The following PCDHA9 variants were observed in gnomAD, a reference collection of about 807,000 sequenced individuals.
PCDHA9 encodes protocadherin alpha-9.
A neutral mutation model predicts 62.0 loss-of-function variants in PCDHA9; 62 were observed. That is an observed-to-expected ratio of 1.00 (90% CI 0.81 to 1.23). The LOEUF (loss-of-function observed/expected upper bound fraction) is 1.23, where lower values mean the gene tolerates loss of function less well. PCDHA9 is among the 50% of genes most tolerant of loss of function. The pLI is 0.00. For missense variants in PCDHA9, 1,205 were observed against 1,249.8 expected (o/e 0.96, Z 0.54); for synonymous variants, 557 against 567.6 (o/e 0.98, Z 0.27).
chr5:140,938,734 AT>A (rs1207782725), intron 1 of PCDHA9, among the ~76,000 whole-genome samples: 1 of 152,136 alleles, frequency 6.6e-6, no homozygotes, highest in Admixed American at 6.5e-5. Flanking sequence ...ACAGAAAAAA[AT>A]AATTATTTTT....
chr5:140,966,978 G>T lies in PCDHA9; in HGVS notation c.2395-11971G>T, dbSNP rs782662616. The stretch of plus-strand genomic sequence containing the variant: ...CGCGCGCTGGGGCTTGAGCTGCGGC[G>T]CTTGGGGCCGGGTTGCTTGCGCATC... On this transcript the variant is annotated intron_variant, in intron 1 of 3. Transcript: ENST00000532602. 3.1e-6 allele frequency: 5 copies of T among 1,603,218 alleles called. No homozygotes were observed. In the African/African-American group the frequency reaches 5.3e-5, roughly 17 times the overall value.
At chr5:140,936,351 T>C (rs2090932385) in intron 1 of PCDHA9, among the ~76,000 whole-genome samples, 1 of 152,246 alleles carries the variant, frequency 6.6e-6, no homozygotes, top group African/African-American at 2.4e-5. Flanking sequence ...ATATATGGAA[T>C]GTGTAGCTAC....
intron 3 of PCDHA9, among the ~76,000 whole-genome samples, chr5:140,983,986 G>A (rs1475891501): frequency 2.0e-5 from 3 of 152,176 alleles, no homozygotes; most frequent in African/African-American, 7.2e-5. Context: ...ACGAGTTGAA[G>A]CAATTCATTA....
intron 1 of PCDHA9, among the ~76,000 whole-genome samples, chr5:140,917,329 G>C (rs543216216): frequency 3.5e-5 from 5 of 143,930 alleles, no homozygotes; most frequent in South Asian, 2.2e-4. Flanking sequence ...TGTGGCGGGG[G>C]AGGGGGGGGA....
At chr5:140,992,925 C>G (rs548869982) in intron 3 of PCDHA9, among the ~76,000 whole-genome samples, 1 of 152,312 alleles carries the variant, frequency 6.6e-6, no homozygotes, top group South Asian at 2.1e-4. Flanking sequence ...TCCATACTTA[C>G]AGCAGCTCTG....
At chr5:140,945,664 C>T (rs1342424562) in intron 1 of PCDHA9, among the ~76,000 whole-genome samples, 1 of 152,048 alleles carries the variant, frequency 6.6e-6, no homozygotes, top group Admixed American at 6.5e-5. Context: ...ATACAGCTCC[C>T]AGAAATAAAT....
At chr5:140,907,872 G>A (rs1473403839) in intron 1 of PCDHA9, among the ~76,000 whole-genome samples, 1 of 152,208 alleles carries the variant, frequency 6.6e-6, no homozygotes, top group Non-Finnish European at 1.5e-5. Flanking sequence ...CCGTTGGTGA[G>A]CACTCACATG....
At position 141,009,757 on chromosome 5, in the gene PCDHA9, A is replaced by G; in HGVS notation, c.2673A>G (p.Pro891=). 6.2e-7 allele frequency: 1 copy of G among 1,614,200 alleles called. No individual in the cohort carries two copies. Among genetic ancestry groups the G allele is most frequent in the Non-Finnish European group, 8.5e-7 (1 of 1,180,036 alleles). Residue 891 remains proline (P), a synonymous_variant, in exon 4 of 4, where the codon CCA becomes CCG. Coordinates refer to ENST00000532602, the MANE Select transcript of PCDHA9 (RefSeq NM_031857.2). ...AGTTGCCCGACAAATTCATTATCCCAGGATCTCCTGCAATCATCTCCATCC... is the reference window on the plus strand; with the variant it reads ...AGTTGCCCGACAAATTCATTATCCCGGGATCTCCTGCAATCATCTCCATCC... ...PGELPDKFII[P]GSPAIISIRQ... is the part of the protein sequence containing the mutation.
Position 140,968,743 on chromosome 5 carries a change from C to T in PCDHA9, c.2395-10206C>T, listed in dbSNP as rs112674082. On this transcript the variant is annotated intron_variant, in intron 1 of 3. Coordinates refer to ENST00000532602, the MANE Select transcript of PCDHA9 (RefSeq NM_031857.2). ...AGAGTGGTAGCACTTTCAACCTGAC[C>T]GTGGTGGTCCGAGATAATGGAGAGC... is the stretch of plus-strand genomic sequence containing the variant. The T allele has an allele frequency of 3.4e-5, 55 of 1,614,060 alleles. No individual in the cohort carries two copies. In the African/African-American group the frequency reaches 5.1e-4, roughly 15 times the overall value.
chr5:141,000,774 G>A (rs1399583734), intron 3 of PCDHA9, among the ~76,000 whole-genome samples: 1 of 151,828 alleles, frequency 6.6e-6, no homozygotes, highest in Non-Finnish European at 1.5e-5. Context: ...AGGCATAGTG[G>A]CGCACACCTG....
At chr5:140,903,695 A>G (rs1325722558) in intron 1 of PCDHA9, among the ~76,000 whole-genome samples, 9 of 152,238 alleles carry the variant, frequency 5.9e-5, no homozygotes, top group African/African-American at 1.7e-4. Flanking sequence ...AATAGTTTAA[A>G]ATAGTAATAA....
At chr5:140,927,657 T>A (rs1161396429) in intron 1 of PCDHA9, 6 of 1,614,050 alleles carry the variant, frequency 3.7e-6, no homozygotes, top group Non-Finnish European at 5.1e-6. Flanking sequence ...TATTCCGAGT[T>A]CAAGCCTTGG....
chr5:140,942,545 G>T (rs981508818), intron 1 of PCDHA9, among the ~76,000 whole-genome samples: 1 of 151,970 alleles, frequency 6.6e-6, no homozygotes, highest in Non-Finnish European at 1.5e-5. Flanking sequence ...ATGGTGGGGG[G>T]TAGGGGGTTG....
chr5:140,966,341 G>T, intron 1 of PCDHA9: 1 of 396,732 alleles, frequency 2.5e-6, no homozygotes, highest in Non-Finnish European at 4.4e-6. Context: ...CAGGTCCAGG[G>T]TGAAGGAGAT....
rs529079699 is a variant in PCDHA9, at chr5:140,984,687, T to C, written c.2542+2124T>C. ...TTAGGTTTTTAGGACTCAATATATGTTCTGCACTGCTTGGAGGGAATATGG... is the reference window on the plus strand; with the variant it reads ...TTAGGTTTTTAGGACTCAATATATGCTCTGCACTGCTTGGAGGGAATATGG... On this transcript the variant is annotated intron_variant, in intron 3 of 3. Transcript: ENST00000532602. Among the ~76,000 whole-genome samples the C allele has an allele frequency of 2.0e-5, 3 of 152,332 alleles. No individual in the cohort carries two copies. The East Asian group carries it at 5.8e-4, about 29-fold the overall frequency.
In PCDHA9 at chr5:140,850,595, G is replaced by A. The variant is rs2150490707; in HGVS notation, c.2100G>A (p.Leu700=). The change falls in exon 1 of 4, where the codon CTG becomes CTA. Residue 700 remains leucine (L), a synonymous_variant. Coordinates refer to ENST00000532602, the MANE Select transcript of PCDHA9 (RefSeq NM_031857.2). The part of the protein sequence containing the change: ...EVTLVDVNVY[L]IIAICAVSSL... ...CGCTGGTGGATGTCAACGTGTACCT[G>A]ATCATCGCCATCTGCGCGGTGTCTA... is the stretch of plus-strand genomic sequence containing the variant. The A allele has an allele frequency of 1.3e-6, 2 of 1,598,512 alleles. No individual in the cohort carries two copies. The highest frequency in any genetic ancestry group is 4.5e-5 in the East Asian group (2 of 44,854).
In PCDHA9 at chr5:140,848,500, T is replaced by A; in HGVS notation, c.5T>A (p.Leu2Ter). 2 of 1,585,030 alleles carry A rather than the reference T, an allele frequency of 1.3e-6. No individual in the cohort carries two copies. The highest frequency in any genetic ancestry group is 1.7e-6 in the Non-Finnish European group (2 of 1,159,900). The change falls in exon 1 of 4, where the codon TTA becomes TAA. Residue 2 changes from leucine to a stop codon, truncating the protein, a stop_gained. Coordinates refer to ENST00000532602, the MANE Select transcript of PCDHA9 (RefSeq NM_031857.2). LOFTEE classifies it high-confidence loss of function. M[L>*]YSSRGDPEGQ... is the part of the protein sequence containing the mutation. ...GAAGAAGACTGAGTATTTGAAATGT[T>A]ATACTCAAGTCGAGGAGATCCAGAG...
At chr5:140,854,876 C>A (rs1221945079) in intron 1 of PCDHA9, among the ~76,000 whole-genome samples, 1 of 149,610 alleles carries the variant, frequency 6.7e-6, no homozygotes, top group Non-Finnish European at 1.5e-5. Context: ...AGAACTGTGT[C>A]TTTTGGGCAT....
chr5:140,851,004 AT>A (rs17844337), intron 1 of PCDHA9, 115 bp downstream of exon 1: 9 of 1,435,010 alleles, frequency 6.3e-6, no homozygotes, highest in Admixed American at 2.7e-5. Context: ...AATCCAGCAG[AT>A]TTTTTTTCTG....
Sources: allele counts gnomAD v4.1 joint callset (sites outside exome capture counted in the v4.1 genomes callset), GRCh38; gene constraint gnomAD v4.1.1; transcripts MANE v1.5; gene names NCBI Gene and HGNC (gene_info 2026-07-23, HGNC 2026-07-21).